The following GRIN2B variants were observed in gnomAD, a reference collection of about 807,000 sequenced individuals.
The protein encoded by GRIN2B is glutamate receptor ionotropic, NMDA 2B.
A neutral mutation model predicts 114.5 loss-of-function variants in GRIN2B; 5 were observed. The ratio of observed to expected loss-of-function variants is 0.04; its 90% CI spans 0.02 to 0.09. The LOEUF is 0.09. Among genes scored for constraint, GRIN2B ranks in the 10% least tolerant of loss-of-function variants. The probability of loss-of-function intolerance (pLI) is 1.00; values close to 1 mark genes in which losing one functional copy is unlikely to be tolerated. For synonymous variants in GRIN2B, 787 were observed against 745.1 expected (o/e 1.06, Z -0.92); for missense variants, 1,108 against 1,943.5 (o/e 0.57, Z 8.08).
At chr12:13,595,752 AT>A (rs1296224178) in intron 10 of GRIN2B, among the ~76,000 whole-genome samples, 3 of 152,168 alleles carry the variant, frequency 2.0e-5, no homozygotes, top group Non-Finnish European at 4.4e-5. Context: ...CTTGAATACA[AT>A]TTGCATAACG....
At position 13,575,883 on chromosome 12, in the gene GRIN2B, TA is replaced by T. The variant is rs35003662; in HGVS notation, c.2011-3920del. 4.0e-5 allele frequency among the ~76,000 whole-genome samples: 6 copies of T among 151,872 alleles called. No individual in the cohort carries two copies. The South Asian group carries it at 1.0e-3, about 26-fold the overall frequency. ...TTATTTTAATGAATAAGATAATATG[TA>T]AAAAAAATACTTAATACCTGGCACA... is the stretch of plus-strand genomic sequence containing the variant. On this transcript the variant is annotated intron_variant, in intron 10 of 13. Coordinates refer to ENST00000609686, the MANE Select transcript of GRIN2B (RefSeq NM_000834.5).
intron 9 of GRIN2B, among the ~76,000 whole-genome samples, chr12:13,610,467 C>T (rs959083438): frequency 6.6e-6 from 1 of 152,180 alleles, no homozygotes; most frequent in Non-Finnish European, 1.5e-5. Flanking sequence ...AGATGTTCCA[C>T]TTCTCACTGG....
chr12:13,597,215 TA>T (rs1949084800), intron 10 of GRIN2B, among the ~76,000 whole-genome samples: 1 of 152,084 alleles, frequency 6.6e-6, no homozygotes, highest in African/African-American at 2.4e-5. Flanking sequence ...GAAGGGAACT[TA>T]AGGCTGAATC....
chr12:13,946,949 T>G (rs113389191), intron 2 of GRIN2B, among the ~76,000 whole-genome samples: 3 of 152,296 alleles, frequency 2.0e-5, no homozygotes, highest in African/African-American at 7.2e-5. Flanking sequence ...CTTTGAGCGA[T>G]GCATATAGTA....
At chr12:13,842,064 C>G (rs527476879) in intron 3 of GRIN2B, among the ~76,000 whole-genome samples, 1 of 152,248 alleles carries the variant, frequency 6.6e-6, no homozygotes, top group East Asian at 1.9e-4. Context: ...AAGTCCCCAC[C>G]AAGACTGGTT....
At chr12:13,749,219 T>C (rs1863439010) in intron 4 of GRIN2B, among the ~76,000 whole-genome samples, 1 of 152,248 alleles carries the variant, frequency 6.6e-6, no homozygotes, top group Non-Finnish European at 1.5e-5. Flanking sequence ...TCACTTCAAA[T>C]ACATGTCTCT....
In GRIN2B at chr12:13,628,161, C is replaced by T. The variant is rs150401532; in HGVS notation, c.1126-11504G>A. ...AATAAATGATGCTGATCTAGAATAC[C>T]CACCTGTCCTATTCTCCTTGGCAGT... On this transcript the variant is annotated intron_variant, in intron 5 of 13. Transcript: ENST00000609686. Among the ~76,000 whole-genome samples the T allele has an allele frequency of 1.1e-4, 16 of 152,242 alleles. No homozygotes were observed. In the East Asian group the frequency reaches 2.1e-3, roughly 20 times the overall value.
At chr12:13,842,951 T>C (rs1304175198) in intron 3 of GRIN2B, among the ~76,000 whole-genome samples, 1 of 148,506 alleles carries the variant, frequency 6.7e-6, no homozygotes, top group Non-Finnish European at 1.5e-5. Flanking sequence ...GAAAATCTTA[T>C]TGTTTTCAAA....
intron 3 of GRIN2B, among the ~76,000 whole-genome samples, chr12:13,771,185 A>C (rs1219520667): frequency 6.6e-6 from 1 of 152,148 alleles, no homozygotes; most frequent in African/African-American, 2.4e-5. Context: ...GCTCCCCTAC[A>C]TAAGTCATCT....
At chr12:13,820,843 C>G (rs1253033336) in intron 3 of GRIN2B, among the ~76,000 whole-genome samples, 2 of 152,094 alleles carry the variant, frequency 1.3e-5, no homozygotes, top group Non-Finnish European at 2.9e-5. Flanking sequence ...TCTCCCTGCC[C>G]ACAAAATCCA....
At chr12:13,725,846 AG>A (rs2136598241) in intron 4 of GRIN2B, among the ~76,000 whole-genome samples, 1 of 152,216 alleles carries the variant, frequency 6.6e-6, no homozygotes, top group East Asian at 1.9e-4. Flanking sequence ...AGCAGGACAC[AG>A]GGATGGGCAG....
chr12:13,810,995 T>G (rs1864718933), intron 3 of GRIN2B, among the ~76,000 whole-genome samples: 1 of 152,206 alleles, frequency 6.6e-6, no homozygotes, highest in Non-Finnish European at 1.5e-5. Flanking sequence ...AATAAAACAT[T>G]AGCTACATGT....
At chr12:13,956,714 C>T (rs1867598963) in intron 2 of GRIN2B, among the ~76,000 whole-genome samples, 1 of 152,174 alleles carries the variant, frequency 6.6e-6, no homozygotes, top group African/African-American at 2.4e-5. Flanking sequence ...AACAAAACTT[C>T]CATTTCCCTG....
chr12:13,768,685 T>G (rs1263538544), intron 3 of GRIN2B, among the ~76,000 whole-genome samples: 1 of 152,222 alleles, frequency 6.6e-6, no homozygotes, highest in East Asian at 1.9e-4. Context: ...ATTTTGTTGG[T>G]TGTTGTGCAA....
At chr12:13,976,929 C>T (rs1042133694) in intron 2 of GRIN2B, among the ~76,000 whole-genome samples, 2 of 152,116 alleles carry the variant, frequency 1.3e-5, no homozygotes, top group African/African-American at 2.4e-5. Context: ...GTCCATTTGC[C>T]CACCTCCCAG....
At chr12:13,708,591 A>G (rs1950384116) in intron 4 of GRIN2B, among the ~76,000 whole-genome samples, 1 of 152,070 alleles carries the variant, frequency 6.6e-6, no homozygotes, top group African/African-American at 2.4e-5. Flanking sequence ...TGAAGAGGAG[A>G]GGAGACATTG....
intron 2 of GRIN2B, among the ~76,000 whole-genome samples, chr12:13,962,626 C>A (rs920860914): frequency 1.3e-5 from 2 of 152,156 alleles, no homozygotes; most frequent in African/African-American, 2.4e-5. Context: ...AGGAGTGAGA[C>A]AAAGAGATGT....
At chr12:13,915,883 A>G (rs765896100) in intron 2 of GRIN2B, among the ~76,000 whole-genome samples, 3 of 152,020 alleles carry the variant, frequency 2.0e-5, no homozygotes, top group Non-Finnish European at 4.4e-5. Context: ...GAGATCACTC[A>G]ATGGCTATTT....
intron 3 of GRIN2B, among the ~76,000 whole-genome samples, chr12:13,817,070 T>C (rs77823880): frequency 0.017 from 2,571 of 152,144 alleles, 44 homozygotes; most frequent in Middle Eastern, 0.048. Flanking sequence ...TCTTTATCAT[T>C]GAGGGTTTGG....
Sources: gnomAD v4.1 joint callset for allele counts (sites outside exome capture counted in the v4.1 genomes callset) on GRCh38, gnomAD v4.1.1 for gene constraint, MANE v1.5 for transcripts, NCBI Gene and HGNC (gene_info 2026-07-23, HGNC 2026-07-21) for gene names.